Variants in SNTG1 observed in about 807,000 individuals in gnomAD.
SNTG1 encodes the protein syntrophin gamma 1.
A neutral mutation model predicts 74.7 loss-of-function variants in SNTG1; 39 were observed. The observed-to-expected ratio is 0.52, with a 90% CI of 0.40 to 0.68. SNTG1 has a LOEUF of 0.68. Ranked by LOEUF, SNTG1 falls within the 30% of genes least tolerant of loss-of-function variation. The probability of loss-of-function intolerance (pLI) is 0.00; values close to 1 mark genes in which losing one functional copy is unlikely to be tolerated. For missense variants in SNTG1, 685 were observed against 609.5 expected (o/e 1.12, Z -1.30); for synonymous variants, 254 against 217.1 (o/e 1.17, Z -1.49).
intron 15 of SNTG1, among the ~76,000 whole-genome samples, chr8:50,669,876 G>T (rs1464514671): frequency 1.3e-5 from 2 of 152,106 alleles, no homozygotes; most frequent in South Asian, 2.1e-4. Context: ...GGGATGCAAG[G>T]CTGGTTCAAT....
chr8:50,510,099 A>C (rs1270082236), intron 9 of SNTG1, among the ~76,000 whole-genome samples: 1 of 152,128 alleles, frequency 6.6e-6, no homozygotes, highest in East Asian at 1.9e-4. Context: ...ATCAATAACT[A>C]ATTTATTGAG....
chr8:50,250,410 G>T (rs1053185359), intron 2 of SNTG1, among the ~76,000 whole-genome samples: 4 of 152,122 alleles, frequency 2.6e-5, no homozygotes, highest in African/African-American at 9.7e-5. Flanking sequence ...CATACTTATA[G>T]CTGAAAAGTT....
intron 2 of SNTG1, among the ~76,000 whole-genome samples, chr8:50,204,663 G>C (rs1235452372): frequency 3.3e-5 from 5 of 152,040 alleles, no homozygotes; most frequent in Admixed American, 3.3e-4. Context: ...TTGGTGTGCT[G>C]CACCTGTTAA....
chr8:50,763,893 ACACACACAC>A (rs2095606463), intron 18 of SNTG1, among the ~76,000 whole-genome samples: 6 of 117,222 alleles, frequency 5.1e-5, no homozygotes, highest in African/African-American at 5.4e-5. Context: ...ACACACACAC[ACACACACAC>A]ACACAAAAAT....
chr8:50,419,447 A>G (rs2093054405), intron 4 of SNTG1, among the ~76,000 whole-genome samples: 1 of 152,160 alleles, frequency 6.6e-6, no homozygotes, highest in Admixed American at 6.6e-5. Flanking sequence ...AAGGCCAACA[A>G]CAATCCCCCA....
intron 18 of SNTG1, among the ~76,000 whole-genome samples, chr8:50,791,608 T>G (rs2095690804): frequency 6.6e-6 from 1 of 151,876 alleles, no homozygotes; most frequent in South Asian, 2.1e-4. Context: ...TATTTTCCAC[T>G]GCCACATGTA....
intron 1 of SNTG1, among the ~76,000 whole-genome samples, chr8:49,962,648 T>G (rs1018539162): frequency 5.6e-4 from 85 of 152,166 alleles, no homozygotes; most frequent in African/African-American, 2.0e-3. Context: ...CAGGCTGGGG[T>G]GCAGTGATGT....
At chr8:50,721,175 T>C (rs2131591217) in intron 17 of SNTG1, among the ~76,000 whole-genome samples, 1 of 152,358 alleles carries the variant, frequency 6.6e-6, no homozygotes, top group East Asian at 1.9e-4. Context: ...GAACACTTGA[T>C]GTCATTTGAA....
At chr8:50,080,591 T>G (rs1251518328) in intron 1 of SNTG1, among the ~76,000 whole-genome samples, 3 of 152,110 alleles carry the variant, frequency 2.0e-5, no homozygotes, top group African/African-American at 7.2e-5. Flanking sequence ...TTAATTTCTG[T>G]TTATTTTTGC....
intron 2 of SNTG1, among the ~76,000 whole-genome samples, chr8:50,227,002 C>G (rs2085361241): frequency 6.6e-6 from 1 of 152,122 alleles, no homozygotes; most frequent in Admixed American, 6.5e-5. Context: ...GATTTCAGCA[C>G]TAATGGGTAA....
At chr8:50,723,466 A>AC (rs914412074) in intron 17 of SNTG1, among the ~76,000 whole-genome samples, 3 of 152,138 alleles carry the variant, frequency 2.0e-5, no homozygotes, top group African/African-American at 7.2e-5. Context: ...GGCTGTTTTC[A>AC]CCATGCCTTC....
chr8:50,206,533 C>G (rs531827377), intron 2 of SNTG1, among the ~76,000 whole-genome samples: 1 of 152,282 alleles, frequency 6.6e-6, no homozygotes, highest in South Asian at 2.1e-4. Context: ...TTGACTTCCT[C>G]TTTTCCTAAC....
chr8:49,933,684 C>T (rs1232338674), intron 1 of SNTG1, among the ~76,000 whole-genome samples: 1 of 152,102 alleles, frequency 6.6e-6, no homozygotes, highest in Non-Finnish European at 1.5e-5. Flanking sequence ...TTTTTGAACT[C>T]TCAATTTTAT....
At chr8:50,435,651 A>G (rs550163860) in intron 4 of SNTG1, among the ~76,000 whole-genome samples, 144 of 152,132 alleles carry the variant, frequency 9.5e-4, no homozygotes, top group Non-Finnish European at 1.7e-3. Context: ...GTTTTAAAAC[A>G]CTAAGTAACT....
intron 1 of SNTG1, among the ~76,000 whole-genome samples, chr8:49,971,265 C>G (rs1262761886): frequency 6.6e-6 from 1 of 152,132 alleles, no homozygotes; most frequent in East Asian, 1.9e-4. Context: ...AAGACAAAAA[C>G]CACATGATTA....
At chr8:49,999,968 C>G (rs372230458) in intron 1 of SNTG1, among the ~76,000 whole-genome samples, 20 of 152,282 alleles carry the variant, frequency 1.3e-4, no homozygotes, top group South Asian at 6.2e-4. Context: ...TGGCTTAATA[C>G]ATATTGTTGA....
chr8:50,588,847 T>C (rs912402234), intron 12 of SNTG1, among the ~76,000 whole-genome samples: 7 of 152,182 alleles, frequency 4.6e-5, no homozygotes. Flanking sequence ...TTTATTATTT[T>C]ATTATTGTAT....
intron 9 of SNTG1, among the ~76,000 whole-genome samples, chr8:50,513,197 C>T (rs1320306332): frequency 2.6e-5 from 4 of 152,150 alleles, no homozygotes; most frequent in African/African-American, 4.8e-5. Flanking sequence ...ACCCTGTTTG[C>T]CTGGGTATCA....
chr8:50,264,848 TA>T lies in SNTG1; in HGVS notation c.-28+92219del, dbSNP rs1333470138. ...TAATGAAGAAGGTAAGAGAATACTA[TA>T]AAAAACTCTATGTCAACAAATTAGA... On this transcript the variant is annotated intron_variant, in intron 2 of 18. Coordinates refer to ENST00000642720, the MANE Select transcript of SNTG1 (RefSeq NM_018967.5). Among the ~76,000 whole-genome samples, 23 of 152,028 alleles carry T rather than the reference TA, an allele frequency of 1.5e-4. No individual in the cohort carries two copies. In the South Asian group the frequency reaches 4.8e-3, roughly 32 times the overall value.
Sources: allele counts gnomAD v4.1 joint callset (sites outside exome capture counted in the v4.1 genomes callset), GRCh38; gene constraint gnomAD v4.1.1; transcripts MANE v1.5; gene names NCBI Gene and HGNC (gene_info 2026-07-23, HGNC 2026-07-21).